The following ITGB3 variants were observed in gnomAD, a reference collection of about 807,000 sequenced individuals.
ITGB3 encodes the protein integrin subunit beta 3, also known as integrin beta-3.
Under a neutral mutation model 85.8 loss-of-function variants are expected in ITGB3, and 48 were observed. The observed-to-expected ratio is 0.56, with a 90% CI of 0.44 to 0.71. The LOEUF (loss-of-function observed/expected upper bound fraction) is 0.71, where lower values mean the gene tolerates loss of function less well. Among genes scored for constraint, ITGB3 ranks in the 30% least tolerant of loss-of-function variants. The pLI is 0.00. For missense variants in ITGB3, 861 were observed against 1,019.1 expected, an observed-to-expected ratio of 0.84 and a Z score of 2.11; for synonymous variants, 363 against 395.6, an observed-to-expected ratio of 0.92 and a Z score of 0.98.
chr17:47,293,071 T>A (rs1259485771), intron 10 of ITGB3, among the ~76,000 whole-genome samples: 1 of 152,174 alleles, frequency 6.6e-6, no homozygotes. Flanking sequence ...AATTGAAAAA[T>A]TAAAAATTCA....
chr17:47,292,583 A>C lies in ITGB3; in HGVS notation c.1690+15A>C. On this transcript the variant is annotated intron_variant, in intron 10 of 14. Transcript: ENST00000559488. ...GATGTGCTCAGGTGAGGAGAACTGC[A>C]GGGCCCCCTGTCCTGGAACCCACAC... 3.1e-6 allele frequency: 5 copies of C among 1,599,702 alleles called. No homozygotes were observed. Among genetic ancestry groups the C allele is most frequent in the Non-Finnish European group, 4.2e-6 (5 of 1,179,756 alleles).
intron 4 of ITGB3, among the ~76,000 whole-genome samples, chr17:47,285,480 T>C (rs1302729281): frequency 1.3e-5 from 2 of 152,048 alleles, no homozygotes; most frequent in Non-Finnish European, 2.9e-5. Context: ...CTATGTGTGA[T>C]GGCGCATGCC....
At chr17:47,296,762 A>G (rs576579803) in intron 10 of ITGB3, among the ~76,000 whole-genome samples, 1 of 152,306 alleles carries the variant, frequency 6.6e-6, no homozygotes, top group East Asian at 1.9e-4. Flanking sequence ...CCAACAAAAA[A>G]TTATCTGGCC....
At position 47,313,335 on chromosome 17, in the gene ITGB3, G is replaced by T. The variant is rs1357975689; in HGVS notation, c.*3131G>T. Among the ~76,000 whole-genome samples, 5 of 144,014 alleles carry T rather than the reference G, an allele frequency of 3.5e-5. No individual in the cohort carries two copies. The highest frequency in any genetic ancestry group is 7.1e-5 in the Admixed American group (1 of 14,112). 94.5% of individuals were successfully genotyped at this position (144,014 alleles called of 152,430 possible). The stretch of plus-strand genomic sequence containing the variant: ...TTTTCTTTGTTAAGTATTCCTGGTT[G>T]AAATTTCTTTTCTTTTTTTTTTTTT... On this transcript the variant is annotated 3_prime_UTR_variant, in exon 15 of 15. Transcript: ENST00000559488.
At chr17:47,304,132 TC>T (rs1359522381) in intron 13 of ITGB3, among the ~76,000 whole-genome samples, 1 of 151,934 alleles carries the variant, frequency 6.6e-6, no homozygotes, top group African/African-American at 2.4e-5. Context: ...ACTCAAGTGA[TC>T]CCCCCGCCTC....
intron 13 of ITGB3, among the ~76,000 whole-genome samples, chr17:47,306,940 A>G (rs1598702419): frequency 6.6e-6 from 1 of 152,184 alleles, no homozygotes; most frequent in South Asian, 2.1e-4. Context: ...TTGGCCTCCC[A>G]AAGTGCTGGG....
chr17:47,310,500 A>C lies in ITGB3; in HGVS notation c.*296A>C, dbSNP rs1259707649. On this transcript the variant is annotated 3_prime_UTR_variant, in exon 15 of 15. Coordinates refer to ENST00000559488, the MANE Select transcript of ITGB3 (RefSeq NM_000212.3). ...CCTCCTGCAGGGATTCTTCCTGCTT[A>C]GCTTGAGGGTGACTATGGAGCTGAG... The C allele has an allele frequency of 6.2e-6, 3 of 480,764 alleles. No individual in the cohort carries two copies. The highest frequency in any genetic ancestry group is 7.8e-6 in the Non-Finnish European group (2 of 257,866). 29.8% of individuals were successfully genotyped at this position (480,764 alleles called of 1,614,324 possible).
intron 1 of ITGB3, among the ~76,000 whole-genome samples, chr17:47,265,616 A>C (rs1178684519): frequency 6.6e-6 from 1 of 152,180 alleles, no homozygotes; most frequent in Non-Finnish European, 1.5e-5. Context: ...TCAATTGATC[A>C]CATCTGCAAA....
chr17:47,272,089 G>T (rs1487308368), intron 1 of ITGB3, among the ~76,000 whole-genome samples: 8 of 117,996 alleles, frequency 6.8e-5, no homozygotes, highest in African/African-American at 2.3e-4. Context: ...ATGGAGTCTT[G>T]CTCTGGCTCA....
intron 1 of ITGB3, among the ~76,000 whole-genome samples, chr17:47,271,376 G>A (rs2065043646): frequency 6.6e-6 from 1 of 152,188 alleles, no homozygotes; most frequent in Non-Finnish European, 1.5e-5. Flanking sequence ...GGGAATATGT[G>A]TAAAAGATTT....
intron 1 of ITGB3, among the ~76,000 whole-genome samples, chr17:47,266,840 C>T (rs1184801842): frequency 3.9e-5 from 6 of 152,098 alleles, no homozygotes; most frequent in South Asian, 2.1e-4. Flanking sequence ...CCTTGGCCTC[C>T]GAGAATGCTG....
chr17:47,290,448 A>AGATG (rs1555572670), intron 8 of ITGB3, among the ~76,000 whole-genome samples, 174 bp downstream of exon 8: 1 of 148,930 alleles, frequency 6.7e-6, no homozygotes, highest in Admixed American at 6.7e-5. Context: ...CAGCCTTCTG[A>AGATG]GAAGGAAGGA....
chr17:47,263,785 G>T (rs55846810), intron 1 of ITGB3, among the ~76,000 whole-genome samples: 4 of 152,026 alleles, frequency 2.6e-5, no homozygotes, highest in African/African-American at 9.7e-5. Context: ...CACCATGCCC[G>T]GCCTATCCTG....
chr17:47,302,948 T>C, intron 13 of ITGB3, 108 bp downstream of exon 13: 1 of 1,331,682 alleles, frequency 7.5e-7, no homozygotes. Context: ...AGGTTAAGCC[T>C]GCAAGTGATA....
chr17:47,260,074 TTG>T lies in ITGB3; in HGVS notation c.79+6148_79+6149del, dbSNP rs113106495. ...CATTTCCCCTCGCATTTATGTTTAT[TTG>T]TGTGTGTGTGTGTATTCCTTTACTT... is the stretch of plus-strand genomic sequence containing the variant. On this transcript the variant is annotated intron_variant, in intron 1 of 14. Coordinates refer to ENST00000559488, the MANE Select transcript of ITGB3 (RefSeq NM_000212.3). Among the ~76,000 whole-genome samples, 32 of 151,746 alleles carry T rather than the reference TTG, an allele frequency of 2.1e-4. 1 individual carries two copies. The South Asian group carries it at 6.2e-3, about 30-fold the overall frequency.
At chr17:47,265,469 G>C (rs773843324) in intron 1 of ITGB3, among the ~76,000 whole-genome samples, 2 of 152,150 alleles carry the variant, frequency 1.3e-5, no homozygotes, top group Non-Finnish European at 2.9e-5. Flanking sequence ...AATCCTTGGT[G>C]TTCCTTAGTT....
chr17:47,288,106 T>A (rs1247588979), intron 6 of ITGB3, among the ~76,000 whole-genome samples: 1 of 151,608 alleles, frequency 6.6e-6, no homozygotes, highest in African/African-American at 2.4e-5. Context: ...CAGGCTGGTC[T>A]CAAACTCCTT....
At chr17:47,262,366 A>G (rs953218120) in intron 1 of ITGB3, among the ~76,000 whole-genome samples, 2 of 152,210 alleles carry the variant, frequency 1.3e-5, no homozygotes, top group African/African-American at 4.8e-5. Flanking sequence ...TGTATACTGA[A>G]TGAGGTGGGG....
intron 7 of ITGB3, 33 bp downstream of exon 7, chr17:47,289,809 C>T (rs1480526938): frequency 6.6e-7 from 1 of 1,512,106 alleles, no homozygotes; most frequent in African/African-American, 1.4e-5. Context: ...TGGAGTGGGC[C>T]CTGTGATGGT....
Sources: allele counts gnomAD v4.1 joint callset (sites outside exome capture counted in the v4.1 genomes callset), GRCh38; gene constraint gnomAD v4.1.1; transcripts MANE v1.5; gene names NCBI Gene and HGNC (gene_info 2026-07-23, HGNC 2026-07-21).